PEBP4: variants seen among roughly 807,000 people sequenced by gnomAD.
PEBP4 encodes the protein phosphatidylethanolamine binding protein 4, also known as phosphatidylethanolamine-binding protein 4.
In PEBP4, 22 loss-of-function variants were observed where a neutral mutation model predicts 23.9. The ratio of observed to expected loss-of-function variants is 0.92; its 90% confidence interval spans 0.66 to 1.31. The LOEUF (loss-of-function observed/expected upper bound fraction) is 1.31. PEBP4 is among the 40% of genes most tolerant of loss of function. The pLI, the probability that PEBP4 is intolerant of heterozygous loss-of-function variation, is 0.00. For synonymous variants in PEBP4, 112 were observed against 99.3 expected (o/e 1.13, Z -0.76); for missense variants, 324 against 281.7 (o/e 1.15, Z -1.07).
At chr8:22,856,883 A>T (rs893660193) in intron 3 of PEBP4, among the ~76,000 whole-genome samples, 34 of 152,126 alleles carry the variant, frequency 2.2e-4, no homozygotes, top group African/African-American at 7.7e-4. Context: ...TAATAGTGAA[A>T]GAAAAACTTC....
intron 3 of PEBP4, 27 bp downstream of exon 3, chr8:22,920,157 C>A (rs376293401): frequency 5.6e-6 from 9 of 1,594,706 alleles, no homozygotes; most frequent in South Asian, 4.5e-5. Flanking sequence ...ACTGTCCCCC[C>A]GCTTTAACAC....
At chr8:22,873,620 A>G (rs1021798445) in intron 3 of PEBP4, among the ~76,000 whole-genome samples, 3 of 152,246 alleles carry the variant, frequency 2.0e-5, no homozygotes, top group African/African-American at 7.2e-5. Context: ...CAACAGAGCA[A>G]CACTCTGTCT....
chr8:22,808,564 A>G (rs1336177781), intron 4 of PEBP4, among the ~76,000 whole-genome samples: 1 of 152,240 alleles, frequency 6.6e-6, no homozygotes, highest in Non-Finnish European at 1.5e-5. Flanking sequence ...GTGTGGCAGC[A>G]GCACAGCGGG....
chr8:22,934,514 G>T (rs1809507437), intron 1 of PEBP4, among the ~76,000 whole-genome samples: 1 of 152,114 alleles, frequency 6.6e-6, no homozygotes, highest in Admixed American at 6.6e-5. Context: ...GTAAAGAAAG[G>T]TAGAAATGGA....
chr8:22,842,310 G>A (rs1482550101), intron 3 of PEBP4, among the ~76,000 whole-genome samples: 1 of 152,156 alleles, frequency 6.6e-6, no homozygotes, highest in Non-Finnish European at 1.5e-5. Flanking sequence ...GGATCCCTAA[G>A]GACTGAGAGC....
At chr8:22,736,814 A>C (rs1804871130) in intron 4 of PEBP4, among the ~76,000 whole-genome samples, 1 of 152,196 alleles carries the variant, frequency 6.6e-6, no homozygotes, top group African/African-American at 2.4e-5. Flanking sequence ...TTCCTTATAA[A>C]AACATTTCCC....
chr8:22,936,436 A>G (rs1489882148), intron 1 of PEBP4, among the ~76,000 whole-genome samples: 1 of 152,174 alleles, frequency 6.6e-6, no homozygotes, highest in Non-Finnish European at 1.5e-5. Flanking sequence ...TAGATCCACA[A>G]CTAGTAAGAA....
chr8:22,823,808 A>G (rs1806909863), intron 3 of PEBP4, among the ~76,000 whole-genome samples: 1 of 152,192 alleles, frequency 6.6e-6, no homozygotes, highest in Non-Finnish European at 1.5e-5. Flanking sequence ...AAAGACTAAT[A>G]ACTCAATAGA....
At chr8:22,940,001 C>T (rs1272288792) in intron 1 of PEBP4, among the ~76,000 whole-genome samples, 1 of 152,222 alleles carries the variant, frequency 6.6e-6, no homozygotes, top group Admixed American at 6.5e-5. Flanking sequence ...TCCAGAGGGG[C>T]TATGAAATGG....
At chr8:22,742,070 G>C (rs1231737562) in intron 4 of PEBP4, among the ~76,000 whole-genome samples, 2 of 152,118 alleles carry the variant, frequency 1.3e-5, no homozygotes, top group South Asian at 2.1e-4. Flanking sequence ...CCTCACCCTC[G>C]AAGCTAGGCC....
chr8:22,721,112 C>A (rs972947577), intron 6 of PEBP4, among the ~76,000 whole-genome samples: 1 of 152,130 alleles, frequency 6.6e-6, no homozygotes, highest in Non-Finnish European at 1.5e-5. Flanking sequence ...GGGTCTGATG[C>A]AAGACCTCTA....
At chr8:22,830,645 T>C (rs983983844) in intron 3 of PEBP4, among the ~76,000 whole-genome samples, 1 of 152,170 alleles carries the variant, frequency 6.6e-6, no homozygotes, top group African/African-American at 2.4e-5. Flanking sequence ...GAGTTTCCTA[T>C]TTTGCATCTG....
At chr8:22,734,401 C>T (rs1804807648) in intron 4 of PEBP4, among the ~76,000 whole-genome samples, 1 of 152,214 alleles carries the variant, frequency 6.6e-6, no homozygotes, top group Non-Finnish European at 1.5e-5. Context: ...TCTGAGCCCT[C>T]CTGGGAGCTG....
At chr8:22,754,207 C>T (rs1286673994) in intron 4 of PEBP4, among the ~76,000 whole-genome samples, 4 of 152,196 alleles carry the variant, frequency 2.6e-5, no homozygotes, top group African/African-American at 9.7e-5. Context: ...CTGGCCGCCC[C>T]ACCCACAGGG....
chr8:22,805,794 T>A (rs547892312), intron 4 of PEBP4, among the ~76,000 whole-genome samples: 74 of 152,030 alleles, frequency 4.9e-4, no homozygotes, highest in African/African-American at 1.7e-3. Flanking sequence ...CTATTTTTTT[T>A]TAAAAAAAAG....
chr8:22,920,057 A>G (rs1809166421), intron 3 of PEBP4, 127 bp downstream of exon 3: 1 of 1,166,682 alleles, frequency 8.6e-7, no homozygotes, highest in Admixed American at 2.3e-5. Context: ...GGCAACAGCC[A>G]TCTGCAGCCA....
At position 22,844,119 on chromosome 8, in the gene PEBP4, ATGCTTC is replaced by A. The variant is rs1217717828; in HGVS notation, c.259-26390_259-26385del. On this transcript the variant is annotated intron_variant, in intron 3 of 6. Transcript: ENST00000256404. Reference sequence around the variant, plus strand: ...ATTCGGCCCCGGAAATTTTCTAAAGATGCTTCTGCCTCTATAAACCGGCATTTTCCA... The same window carrying A: ...ATTCGGCCCCGGAAATTTTCTAAAGATGCCTCTATAAACCGGCATTTTCCA... Among the ~76,000 whole-genome samples, 3 of 152,236 alleles carry A rather than the reference ATGCTTC, an allele frequency of 2.0e-5. No individual in the cohort carries two copies. The East Asian group carries it at 5.8e-4, about 29-fold the overall frequency.
intron 3 of PEBP4, among the ~76,000 whole-genome samples, chr8:22,850,158 C>A (rs1807521791): frequency 6.6e-6 from 1 of 151,490 alleles, no homozygotes; most frequent in Non-Finnish European, 1.5e-5. Flanking sequence ...AAATAATGGG[C>A]TTGAGGACTT....
intron 3 of PEBP4, among the ~76,000 whole-genome samples, chr8:22,848,371 C>T (rs950743875): frequency 4.0e-5 from 6 of 151,774 alleles, no homozygotes; most frequent in African/African-American, 9.7e-5. Flanking sequence ...GAGTATGGGG[C>T]GAGCAGGGTG....
Sources: gnomAD v4.1 joint callset for allele counts (sites outside exome capture counted in the v4.1 genomes callset) on GRCh38, gnomAD v4.1.1 for gene constraint, MANE v1.5 for transcripts, NCBI Gene and HGNC (gene_info 2026-07-23, HGNC 2026-07-21) for gene names.